Variants in JAKMIP3 observed in about 807,000 individuals in gnomAD.
The protein encoded by JAKMIP3 is janus kinase and microtubule-interacting protein 3.
Under a neutral mutation model 118.5 loss-of-function variants are expected in JAKMIP3, and 58 were observed. That is an observed-to-expected ratio of 0.49 (90% CI 0.40 to 0.61). The LOEUF is 0.61. Ranked by LOEUF, JAKMIP3 falls within the 20% of genes least tolerant of loss-of-function variation. The probability of loss-of-function intolerance (pLI) is 0.00; values close to 1 mark genes in which losing one functional copy is unlikely to be tolerated. For synonymous variants in JAKMIP3, 486 were observed against 451.2 expected, an observed-to-expected ratio of 1.08 and a Z score of -0.98; for missense variants, 950 against 1,109.0, an observed-to-expected ratio of 0.86 and a Z score of 2.04.
At chr10:132,095,340 C>T (rs1326706359) in intron 1 of JAKMIP3, among the ~76,000 whole-genome samples, 2 of 152,204 alleles carry the variant, frequency 1.3e-5, no homozygotes, top group Admixed American at 1.3e-4. Flanking sequence ...CCAAAGGACC[C>T]CTCTGAGGTA....
intron 19 of JAKMIP3, among the ~76,000 whole-genome samples, chr10:132,156,446 T>C (rs1331048428): frequency 6.6e-6 from 1 of 152,142 alleles, no homozygotes; most frequent in Non-Finnish European, 1.5e-5. Context: ...GGCAGGCATC[T>C]CCACTGCTGT....
At chr10:132,111,254 T>C (rs974620696) in intron 2 of JAKMIP3, among the ~76,000 whole-genome samples, 4 of 151,876 alleles carry the variant, frequency 2.6e-5, no homozygotes, top group African/African-American at 9.7e-5. Flanking sequence ...GAGGCAGCAA[T>C]GACGGGGACA....
At chr10:132,134,411 G>T (rs2051301872) in intron 4 of JAKMIP3, among the ~76,000 whole-genome samples, 2 of 152,330 alleles carry the variant, frequency 1.3e-5, no homozygotes, top group South Asian at 4.1e-4. Context: ...TCCTGCTGGT[G>T]CGTGGTAGAC....
In JAKMIP3 at chr10:132,168,372, A is replaced by C; in HGVS notation, c.*442A>C. On this transcript the variant is annotated 3_prime_UTR_variant, in exon 23 of 24. Coordinates refer to ENST00000684848, the MANE Select transcript of JAKMIP3 (RefSeq NM_001323087.2). ...CTGGTGTCTGGAGGAAGATTTTCAG[A>C]AACAACAGAGGCTTGGCCTGATGAC... 7.8e-7 allele frequency: 1 copy of C among 1,289,530 alleles called. No homozygotes were observed. The highest frequency in any genetic ancestry group is 1.0e-6 in the Non-Finnish European group (1 of 988,812). The allele number at this position is 1,289,530 out of a possible 1,614,324, so 79.9% of individuals were successfully genotyped here.
In JAKMIP3 at chr10:132,180,722, T is replaced by TGTGC. The variant is rs1554963309; in HGVS notation, c.*1104-1632_*1104-1631insCGTG. 1.8e-4 allele frequency among the ~76,000 whole-genome samples: 4 copies of TGTGC among 21,908 alleles called. 2 individuals carry two copies. The highest frequency in any genetic ancestry group is 1.0e-3 in the African/African-American group (4 of 3,876). 14.4% of individuals were successfully genotyped at this position (21,908 alleles called of 152,430 possible). A position where few individuals can be genotyped will look rare whatever the true frequency, so the allele number is the denominator to read the frequency against. On this transcript the variant is annotated intron_variant, in intron 23 of 23. Coordinates refer to ENST00000684848, the MANE Select transcript of JAKMIP3 (RefSeq NM_001323087.2). ...GTGTGTGTGTGCGCGTGTGTGTGCG[T>TGTGC]GTGTGTGCGTGTGTGCGTGCGTGCG... is the stretch of plus-strand genomic sequence containing the variant.
rs1377163959 is a variant in JAKMIP3 at position 132,049,728 on chromosome 10, C to G, written c.-138+12990C>G. Among the ~76,000 whole-genome samples, 1 of 152,142 alleles carries G rather than the reference C, an allele frequency of 6.6e-6. No individual in the cohort carries two copies. Among genetic ancestry groups the G allele is most frequent in the Admixed American group, 6.5e-5 (1 of 15,274 alleles). Reference sequence around the variant, plus strand: ...CCAACTCCTGAATTCAAGTGATCCTCCCACCTTGGCCTCCCAAAGTGCTGG... The same window carrying G: ...CCAACTCCTGAATTCAAGTGATCCTGCCACCTTGGCCTCCCAAAGTGCTGG... On this transcript the variant is annotated intron_variant, in intron 1 of 23. Transcript: ENST00000657785. The surrounding 1 kb of genome is among the most constrained non-coding windows in gnomAD (Gnocchi z 4.3).
chr10:132,180,530 T>TGTGTGTGTGTGTGTGTGCGC (rs776553583), intron 23 of JAKMIP3, among the ~76,000 whole-genome samples: 1 of 31,952 alleles, frequency 3.1e-5, no homozygotes, highest in Non-Finnish European at 5.5e-5. Flanking sequence ...GAACTGTGTG[T>TGTGTGTGTGTGTGTGTGCGC]GTGTGTGTGT....
At chr10:132,084,601 C>T (rs2042160254) in intron 1 of JAKMIP3, among the ~76,000 whole-genome samples, 1 of 152,110 alleles carries the variant, frequency 6.6e-6, no homozygotes. Context: ...CTGGGACTTC[C>T]AGTACTATGT....
At chr10:132,144,168 CA>C (rs1440489885) in intron 11 of JAKMIP3, 1 of 152,160 alleles carries the variant, frequency 6.6e-6, no homozygotes, top group East Asian at 1.9e-4. Context: ...GCCACCACAG[CA>C]AAGTGAATTA....
chr10:132,037,829 C>G (rs1469786638), intron 1 of JAKMIP3, among the ~76,000 whole-genome samples: 1 of 152,018 alleles, frequency 6.6e-6, no homozygotes, highest in Non-Finnish European at 1.5e-5. Context: ...TGGGCCGCAG[C>G]GCAGGCTTCC....
At position 132,117,807 on chromosome 10, in the gene JAKMIP3, G is replaced by T. The variant is rs192359170; in HGVS notation, c.633+233G>T. On this transcript the variant is annotated intron_variant, in intron 3 of 23. Transcript: ENST00000684848. The surrounding 1 kb of genome is among the most constrained non-coding windows in gnomAD (Gnocchi z 8.6). The stretch of plus-strand genomic sequence containing the variant: ...AAGGTTCAGACCCACAGTCAGGCCC[G>T]CACGGGGCAGGCCAGACTCTCACCT... Among the ~76,000 whole-genome samples, 1 of 152,128 alleles carries T rather than the reference G, an allele frequency of 6.6e-6. No homozygotes were observed. The highest frequency in any genetic ancestry group is 1.5e-5 in the Non-Finnish European group (1 of 68,020).
chr10:132,046,239 G>C (rs564173823), intron 1 of JAKMIP3, among the ~76,000 whole-genome samples: 1 of 152,260 alleles, frequency 6.6e-6, no homozygotes, highest in South Asian at 2.1e-4. Context: ...CAGATCACAA[G>C]GTCAGGAGAT....
At chr10:132,115,792 A>T (rs1392461063) in intron 2 of JAKMIP3, among the ~76,000 whole-genome samples, 1 of 152,036 alleles carries the variant, frequency 6.6e-6, no homozygotes, top group African/African-American at 2.4e-5. Context: ...AAATGAAAGG[A>T]CCTTTGTCCA....
At chr10:132,046,461 G>A (rs9419166) in intron 1 of JAKMIP3, among the ~76,000 whole-genome samples, 1 of 147,792 alleles carries the variant, frequency 6.8e-6, no homozygotes, top group Admixed American at 6.7e-5. Context: ...GTCTCAAAAA[G>A]AAAAAAAAAA....
At chr10:132,062,188 T>C (rs956012762), upstream of JAKMIP3, among the ~76,000 whole-genome samples, 2 of 152,066 alleles carry the variant, frequency 1.3e-5, no homozygotes, top group Non-Finnish European at 2.9e-5. Context: ...ACTCAGGAAA[T>C]GCACATTAAA....
intron 1 of JAKMIP3, among the ~76,000 whole-genome samples, chr10:132,077,738 C>A (rs188554807): frequency 6.6e-6 from 1 of 152,352 alleles, no homozygotes; most frequent in East Asian, 1.9e-4. Flanking sequence ...GCAACCTCCA[C>A]CTCCTGGGTT....
chr10:132,149,019 C>CT (rs1399772473), intron 14 of JAKMIP3, among the ~76,000 whole-genome samples: 3 of 152,310 alleles, frequency 2.0e-5, no homozygotes, highest in Non-Finnish European at 2.9e-5. Flanking sequence ...AGTGGCAGCA[C>CT]TGCCAGCCTG....
In JAKMIP3 at chr10:132,139,345, CAT is replaced by C. The variant is rs371818978; in HGVS notation, c.1345-1105_1345-1104del. On this transcript the variant is annotated intron_variant, in intron 9 of 23. Coordinates refer to ENST00000684848, the MANE Select transcript of JAKMIP3 (RefSeq NM_001323087.2). ...ATGTGTGTGTGTTTGTATGTGTGTACATGTGAGTGTATATGCGTCTGTACGTG... is the reference window on the plus strand; with the variant it reads ...ATGTGTGTGTGTTTGTATGTGTGTACGTGAGTGTATATGCGTCTGTACGTG... Among the ~76,000 whole-genome samples, 5 of 141,672 alleles carry C rather than the reference CAT, an allele frequency of 3.5e-5. 1 individual carries two copies. Among genetic ancestry groups the C allele is most frequent in the African/African-American group, 8.1e-5 (3 of 37,174 alleles). The allele number at this position is 141,672 out of a possible 152,430, so 92.9% of individuals were successfully genotyped here.
At chr10:132,134,190 G>A (rs1246820182) in intron 4 of JAKMIP3, among the ~76,000 whole-genome samples, 1 of 152,158 alleles carries the variant, frequency 6.6e-6, no homozygotes, top group Non-Finnish European at 1.5e-5. Context: ...CCCTCCAGCT[G>A]GTCCTTCTGG....
Sources: allele counts gnomAD v4.1 joint callset (sites outside exome capture counted in the v4.1 genomes callset), GRCh38; gene constraint gnomAD v4.1.1; non-coding constraint Gnocchi (gnomAD v3.1); transcripts MANE v1.5; gene names NCBI Gene and HGNC (gene_info 2026-07-23, HGNC 2026-07-21).